LAMA3: variants seen among roughly 807,000 people sequenced by gnomAD.
The protein encoded by LAMA3 is laminin subunit alpha 3, also known as laminin subunit alpha-3.
LAMA3 carries 281 observed loss-of-function variants against 402.0 expected under a neutral mutation model. The ratio of observed to expected loss-of-function variants is 0.70; its 90% CI spans 0.63 to 0.77. The LOEUF (loss-of-function observed/expected upper bound fraction) is 0.77. Ranked by LOEUF, LAMA3 falls within the 30% of genes least tolerant of loss-of-function variation. The probability of loss-of-function intolerance (pLI) is 0.00; values close to 1 mark genes in which losing one functional copy is unlikely to be tolerated. For synonymous variants in LAMA3, 1,431 were observed against 1,558.4 expected (o/e 0.92, Z 1.93); for missense variants, 3,840 against 4,215.5 (o/e 0.91, Z 2.47).
chr18:23,877,403 G>A (rs2064757363), intron 39 of LAMA3, among the ~76,000 whole-genome samples: 2 of 151,904 alleles, frequency 1.3e-5, no homozygotes, highest in African/African-American at 4.8e-5. Context: ...AGTTCTTCTT[G>A]GTAACCAGGG....
At position 23,941,332 on chromosome 18, in the gene LAMA3, C is replaced by A. The variant is rs1443614419; in HGVS notation, c.9026+1946C>A. Among the ~76,000 whole-genome samples, 203 of 141,384 alleles carry A rather than the reference C, an allele frequency of 1.4e-3. 5 individuals carry two copies. Among genetic ancestry groups the A allele is most frequent in the African/African-American group, 4.4e-3 (173 of 39,562 alleles). The allele number at this position is 141,384 out of a possible 152,430, so 92.8% of individuals were successfully genotyped here. A position where few individuals can be genotyped will look rare whatever the true frequency, so the allele number is the denominator to read the frequency against. On this transcript the variant is annotated intron_variant, in intron 68 of 74. Coordinates refer to ENST00000313654, the MANE Select transcript of LAMA3 (RefSeq NM_198129.4). ...GCCTCTCCATCAGCTTGGCGCCCCCCCCCCGCCCGGCAGCTTCTCTCTCAA... is the reference window on the plus strand; with the variant it reads ...GCCTCTCCATCAGCTTGGCGCCCCCACCCCGCCCGGCAGCTTCTCTCTCAA...
rs764989922 is a variant in LAMA3, at chr18:23,784,096, G to C, written c.1542G>C (p.Gly514=). 6.2e-7 allele frequency: 1 copy of C among 1,614,120 alleles called. No homozygotes were observed. The highest frequency in any genetic ancestry group is 1.1e-5 in the South Asian group (1 of 91,088). The change falls in exon 12 of 75, where the codon GGG becomes GGC. Residue 514 remains glycine (G), a synonymous_variant. Coordinates refer to ENST00000313654, the MANE Select transcript of LAMA3 (RefSeq NM_198129.4). ...ACGGACGGTGCCTGTGCCGCCCTGG[G>C]GTTGAGGGCCCTCGATGTGATACCT... is the stretch of plus-strand genomic sequence containing the variant. The part of the protein sequence containing the change: ...DAHGRCLCRP[G]VEGPRCDTCR...
rs1284782898 is a variant in LAMA3, at chr18:23,899,053, C to T, written c.5824C>T (p.Arg1942Trp). ...ELDVKIKNVI[R>W]NVHILLKQIS... is the part of the protein sequence containing the mutation. ...GGATGTGAAGATTAAAAATGTCATC[C>T]GGAATGTGCACAGTAAGAAGAGTTA... The change falls in exon 46 of 75, where the codon CGG becomes TGG. Residue 1942 changes from arginine (R) to tryptophan (W), a missense_variant. Transcript: ENST00000313654. 5 of 1,612,240 alleles carry T rather than the reference C, an allele frequency of 3.1e-6. No individual in the cohort carries two copies. The highest frequency in any genetic ancestry group is 1.7e-4 in the Middle Eastern group (1 of 6,054).
Position 23,920,953 on chromosome 18 carries a change from A to C in LAMA3, c.7942A>C (p.Asn2648His). The change falls in exon 61 of 75, where the codon AAT becomes CAT. Residue 2648 changes from asparagine (N) to histidine (H), a missense_variant. Physicochemically the swap from Asn to His is moderately conservative, Grantham distance 68 (BLOSUM62 1). Transcript: ENST00000313654. ...AENGDRFISL[N>H]IEDGKLMVRY... ...GTCCTAGGATCGCTTCATATCTCTA[A>C]ATATAGAAGATGGCAAGCTCATGGT... 1 of 1,614,050 alleles carries C rather than the reference A, an allele frequency of 6.2e-7. No homozygotes were observed. Among genetic ancestry groups the C allele is most frequent in the Non-Finnish European group, 8.5e-7 (1 of 1,179,994 alleles).
chr18:23,920,049 G>T (rs1252907961), intron 60 of LAMA3, among the ~76,000 whole-genome samples: 3 of 152,060 alleles, frequency 2.0e-5, no homozygotes, highest in African/African-American at 7.2e-5. Context: ...ATGATAAAGG[G>T]ATGAGAAAGA....
rs1482490016 is a variant in LAMA3, at chr18:23,879,013, C to T, written c.5112+2606C>T. The stretch of plus-strand genomic sequence containing the variant: ...AATTCCCCTTCCTCTCTACTATCCC[C>T]GTCACCCCTTATTTTCCTCTCCGTT... On this transcript the variant is annotated intron_variant, in intron 39 of 74. Transcript: ENST00000313654. The surrounding 1 kb of genome is among the most constrained non-coding windows in gnomAD (Gnocchi z 4.2). Among the ~76,000 whole-genome samples, 4 of 151,860 alleles carry T rather than the reference C, an allele frequency of 2.6e-5. No individual in the cohort carries two copies. Among genetic ancestry groups the T allele is most frequent in the Non-Finnish European group, 4.4e-5 (3 of 67,976 alleles).
In LAMA3 at chr18:23,837,109, A is replaced by G. The variant is rs780591914; in HGVS notation, c.3093+20A>G. The G allele has an allele frequency of 1.3e-6, 2 of 1,546,682 alleles. No individual in the cohort carries two copies. Among genetic ancestry groups the G allele is most frequent in the African/African-American group, 1.4e-5 (1 of 73,462 alleles). ...CTTCTGGTATGCTTCTGTTTTGCCC[A>G]TTGAATTTTAGAAGCATTTTGCTGA... On this transcript the variant is annotated intron_variant, in intron 25 of 74. Transcript: ENST00000313654.
At chr18:23,742,650 A>ATGTG (rs141466075) in intron 2 of LAMA3, among the ~76,000 whole-genome samples, 17,958 of 147,912 alleles carry the variant, frequency 0.12, 1,144 homozygotes, top group African/African-American at 0.14. Context: ...AGAATCAAAA[A>ATGTG]TGTGTGTGTG....
chr18:23,769,999 CAAAT>C (rs2062160268), intron 8 of LAMA3, among the ~76,000 whole-genome samples: 1 of 152,132 alleles, frequency 6.6e-6, no homozygotes, highest in African/African-American at 2.4e-5. Flanking sequence ...AGCATTAACA[CAAAT>C]AAAGACATTT....
intron 62 of LAMA3, among the ~76,000 whole-genome samples, chr18:23,923,723 G>A (rs138880057): frequency 1.3e-5 from 2 of 152,284 alleles, no homozygotes; most frequent in East Asian, 3.9e-4. Flanking sequence ...GGTGGTAGAG[G>A]CCAGTGGGCT....
At chr18:23,788,943 C>T (rs118046026) in intron 12 of LAMA3, among the ~76,000 whole-genome samples, 11,038 of 150,598 alleles carry the variant, frequency 0.073, 575 homozygotes, top group Non-Finnish European at 0.11. Context: ...TAAAATAATC[C>T]ATATATATGG....
chr18:23,949,998 T>C, intron 71 of LAMA3, 31 bp from the exon 72 acceptor site: 8 of 1,614,198 alleles, frequency 5.0e-6, no homozygotes, highest in South Asian at 4.4e-5. Flanking sequence ...ATGGTGATGC[T>C]TTAACTTTTG....
At chr18:23,728,303 C>T (rs1017552824) in intron 2 of LAMA3, among the ~76,000 whole-genome samples, 2 of 152,036 alleles carry the variant, frequency 1.3e-5, no homozygotes, top group African/African-American at 4.8e-5. Context: ...GGGAGGTATC[C>T]CAGGTGCTCA....
chr18:23,690,114 G>A, intron 1 of LAMA3, 137 bp downstream of exon 1: 1 of 680,670 alleles, frequency 1.5e-6, no homozygotes, highest in Non-Finnish European at 2.3e-6. Context: ...CCCCATCCCC[G>A]CGCGCGAGGG....
rs2145060973 is a variant in LAMA3 at position 23,894,902 on chromosome 18, T to C, written c.5462-5T>C. 7 of 1,614,156 alleles carry C rather than the reference T, an allele frequency of 4.3e-6. No individual in the cohort carries two copies. Among genetic ancestry groups the C allele is most frequent in the Non-Finnish European group, 5.1e-6 (6 of 1,180,018 alleles). On this transcript the variant is annotated splice_region_variant and splice_polypyrimidine_tract_variant and intron_variant, in intron 43 of 74. Coordinates refer to ENST00000313654, the MANE Select transcript of LAMA3 (RefSeq NM_198129.4). ...CACATTTGCCTTTGATTGTGGCCCC[T>C]ACAGATTGCGACAGCTGTGTGATGA...
At position 23,745,092 on chromosome 18, in the gene LAMA3, C is replaced by T. The variant is rs142986342; in HGVS notation, c.448-2851C>T. Among the ~76,000 whole-genome samples, 564 of 151,976 alleles carry T rather than the reference C, an allele frequency of 3.7e-3. 4 individuals carry two copies. Among genetic ancestry groups the T allele is most frequent in the African/African-American group, 0.013 (542 of 41,466 alleles). ...GTTGAATTTATGTAGAAGAAATATC[C>T]ATGTTCTTGGAAGATAACATGCTGA... On this transcript the variant is annotated intron_variant, in intron 2 of 74. Transcript: ENST00000313654.
At chr18:23,742,122 A>G (rs2143434798) in intron 2 of LAMA3, among the ~76,000 whole-genome samples, 1 of 152,360 alleles carries the variant, frequency 6.6e-6, no homozygotes, top group South Asian at 2.1e-4. Flanking sequence ...ACTCTGACTC[A>G]AAACAAACAA....
At chr18:23,784,356 C>A (rs1466793511) in intron 12 of LAMA3, among the ~76,000 whole-genome samples, 199 bp downstream of exon 12, 1 of 151,994 alleles carries the variant, frequency 6.6e-6, no homozygotes, top group African/African-American at 2.4e-5. Context: ...CTGCCTCCTC[C>A]CTGGTAGTTA....
At chr18:23,888,957 A>G (rs1485751234) in intron 41 of LAMA3, among the ~76,000 whole-genome samples, 1 of 149,244 alleles carries the variant, frequency 6.7e-6, no homozygotes, top group Admixed American at 6.7e-5. Context: ...AAAAAAATCA[A>G]AGAATCAAGG....
Sources: gnomAD v4.1 joint callset for allele counts (sites outside exome capture counted in the v4.1 genomes callset) on GRCh38, gnomAD v4.1.1 for gene constraint, Gnocchi (gnomAD v3.1) non-coding constraint, MANE v1.5 for transcripts, NCBI Gene and HGNC (gene_info 2026-07-23, HGNC 2026-07-21) for gene names.